Variants in GPR158 observed in about 807,000 individuals in gnomAD.
GPR158 encodes the protein G protein-coupled receptor 158, also known as metabotropic glycine receptor.
GPR158 carries 30 observed loss-of-function variants against 78.2 expected under a neutral mutation model. The ratio of observed to expected loss-of-function variants is 0.38; its 90% CI spans 0.29 to 0.52. The LOEUF is 0.52. GPR158 is among the 20% of genes least tolerant of loss of function. The pLI, the probability that GPR158 is intolerant of heterozygous loss-of-function variation, is 0.83. For synonymous variants in GPR158, 581 were observed against 591.1 expected (o/e 0.98, Z 0.25); for missense variants, 1,463 against 1,523.5 (o/e 0.96, Z 0.66).
intron 4 of GPR158, among the ~76,000 whole-genome samples, chr10:25,428,557 C>T (rs939254965): frequency 1.3e-5 from 2 of 151,934 alleles, no homozygotes; most frequent in Non-Finnish European, 2.9e-5. Flanking sequence ...ATGTCGTAAG[C>T]AGTTCAGGGG....
At chr10:25,596,491 C>G (rs1332648681) in intron 9 of GPR158, 152 bp from the exon 10 acceptor site, 2 of 562,534 alleles carry the variant, frequency 3.6e-6, no homozygotes, top group Non-Finnish European at 6.2e-6. Context: ...GTGTCTCTCT[C>G]TCTCTATCTA....
chr10:25,299,269 C>G (rs114336250), intron 2 of GPR158, among the ~76,000 whole-genome samples: 1 of 152,058 alleles, frequency 6.6e-6, no homozygotes, highest in Non-Finnish European at 1.5e-5. Context: ...AATGTACTCA[C>G]TTAGCAAATT....
chr10:25,422,159 G>T (rs1301058527), intron 4 of GPR158, among the ~76,000 whole-genome samples: 1 of 152,128 alleles, frequency 6.6e-6, no homozygotes, highest in African/African-American at 2.4e-5. Flanking sequence ...AGCATTTGGG[G>T]TTACTGTCTT....
intron 5 of GPR158, among the ~76,000 whole-genome samples, chr10:25,529,310 T>G (rs1310972193): frequency 1.3e-5 from 2 of 151,794 alleles, no homozygotes; most frequent in African/African-American, 4.8e-5. Flanking sequence ...TCACTTGAAC[T>G]CGGGAGGCGG....
At chr10:25,267,996 GA>G (rs1854065633) in intron 2 of GPR158, among the ~76,000 whole-genome samples, 1 of 152,032 alleles carries the variant, frequency 6.6e-6, no homozygotes, top group South Asian at 2.1e-4. Flanking sequence ...ATATTTACTA[GA>G]AAAAGTTAAA....
intron 1 of GPR158, among the ~76,000 whole-genome samples, chr10:25,195,272 C>T (rs1324031136): frequency 6.6e-6 from 1 of 151,748 alleles, no homozygotes; most frequent in African/African-American, 2.4e-5. Context: ...GTGGCATGAT[C>T]TTGGCTCACT....
intron 1 of GPR158, among the ~76,000 whole-genome samples, chr10:25,184,835 A>C (rs1042186858): frequency 6.6e-6 from 1 of 152,232 alleles, no homozygotes; most frequent in Admixed American, 6.5e-5. Flanking sequence ...TGTGAAGATA[A>C]GCATTTTTTC....
intron 4 of GPR158, among the ~76,000 whole-genome samples, chr10:25,443,764 C>A (rs570328486): frequency 6.6e-6 from 1 of 151,610 alleles, no homozygotes; most frequent in East Asian, 1.9e-4. Context: ...GAGACATGCA[C>A]CCCAGGGACT....
At chr10:25,540,143 G>T (rs1048249365) in intron 5 of GPR158, among the ~76,000 whole-genome samples, 1 of 152,118 alleles carries the variant, frequency 6.6e-6, no homozygotes, top group African/African-American at 2.4e-5. Context: ...GATATGAACA[G>T]ACACTTCTCA....
chr10:25,256,099 A>T (rs1192125672), intron 2 of GPR158, among the ~76,000 whole-genome samples: 1 of 152,038 alleles, frequency 6.6e-6, no homozygotes, highest in Non-Finnish European at 1.5e-5. Flanking sequence ...GTCCATAGCT[A>T]CCATAGCCTG....
chr10:25,532,499 C>G (rs566226395), intron 5 of GPR158, among the ~76,000 whole-genome samples: 5 of 152,216 alleles, frequency 3.3e-5, no homozygotes, highest in African/African-American at 1.2e-4. Flanking sequence ...TTGTTGAGGT[C>G]TGGAGTTCTT....
At chr10:25,412,497 G>A in intron 4 of GPR158, 24 bp downstream of exon 4, 1 of 1,509,362 alleles carries the variant, frequency 6.6e-7, no homozygotes. Flanking sequence ...CCCTGGTTAT[G>A]ATCCTGTATT....
At chr10:25,333,597 A>G (rs766773192) in intron 2 of GPR158, among the ~76,000 whole-genome samples, 3 of 152,168 alleles carry the variant, frequency 2.0e-5, no homozygotes, top group Non-Finnish European at 2.9e-5. Flanking sequence ...GTAGCTGGAT[A>G]TGTTACAATG....
intron 3 of GPR158, 62 bp downstream of exon 3, chr10:25,396,075 A>T: frequency 1.4e-6 from 1 of 716,688 alleles, no homozygotes; most frequent in South Asian, 1.8e-5. Flanking sequence ...ATTATTACGA[A>T]GATTTTCTTT....
At chr10:25,312,310 T>G (rs1426457759) in intron 2 of GPR158, among the ~76,000 whole-genome samples, 3 of 152,060 alleles carry the variant, frequency 2.0e-5, no homozygotes, top group Non-Finnish European at 4.4e-5. Context: ...TGTAGATATT[T>G]CAAATGTTGA....
chr10:25,438,365 A>G (rs555274273), intron 4 of GPR158, among the ~76,000 whole-genome samples: 2 of 152,334 alleles, frequency 1.3e-5, no homozygotes, highest in South Asian at 4.1e-4. Flanking sequence ...AAGGTAGAAA[A>G]TATTGGCATC....
chr10:25,281,510 C>T (rs1277722766), intron 2 of GPR158, among the ~76,000 whole-genome samples: 2 of 151,170 alleles, frequency 1.3e-5, no homozygotes, highest in African/African-American at 4.9e-5. Context: ...CCCAGGAGGT[C>T]AAGGCTGCAG....
intron 4 of GPR158, among the ~76,000 whole-genome samples, chr10:25,428,831 A>T (rs889221252): frequency 3.3e-5 from 5 of 152,116 alleles, no homozygotes; most frequent in Non-Finnish European, 7.4e-5. Flanking sequence ...TTTGCATAAC[A>T]GTTTATTTTC....
At chr10:25,342,068 A>T (rs1482315809) in intron 2 of GPR158, among the ~76,000 whole-genome samples, 2 of 151,904 alleles carry the variant, frequency 1.3e-5, no homozygotes, top group Non-Finnish European at 2.9e-5. Context: ...ATCTTCTTAA[A>T]ATCTAACATA....
Sources: allele counts gnomAD v4.1 joint callset (sites outside exome capture counted in the v4.1 genomes callset), GRCh38; gene constraint gnomAD v4.1.1; transcripts MANE v1.5; gene names NCBI Gene and HGNC (gene_info 2026-07-23, HGNC 2026-07-21).